PANK1: variants seen among roughly 807,000 people sequenced by gnomAD.
PANK1 encodes pantothenate kinase 1, also known as pantothenic acid kinase 1.
A neutral mutation model predicts 40.1 loss-of-function variants in PANK1; 18 were observed. The observed-to-expected ratio is 0.45, with a 90% CI of 0.31 to 0.67. The LOEUF (loss-of-function observed/expected upper bound fraction) is 0.67. PANK1 is among the 30% of genes least tolerant of loss of function. The pLI is 0.06. For synonymous variants in PANK1, 242 were observed against 237.7 expected (o/e 1.02, Z -0.17); for missense variants, 457 against 599.6 (o/e 0.76, Z 2.48).
At chr10:89,599,090 A>G in intron 3 of PANK1, 162 bp downstream of exon 3, 1 of 630,654 alleles carries the variant, frequency 1.6e-6, no homozygotes. Context: ...TATATAAATC[A>G]CCCACATACC....
chr10:89,625,968 G>T (rs1031106413), intron 1 of PANK1: 5 of 152,104 alleles, frequency 3.3e-5, no homozygotes, highest in African/African-American at 9.7e-5. Context: ...CTTTCCCAAG[G>T]TCCTGAAACC....
chr10:89,619,069 C>A (rs961348356), intron 1 of PANK1, among the ~76,000 whole-genome samples: 2 of 152,190 alleles, frequency 1.3e-5, no homozygotes, highest in African/African-American at 4.8e-5. Context: ...TGATCACAGA[C>A]AAACATGTGG....
chr10:89,607,401 C>A (rs778320200), intron 2 of PANK1, among the ~76,000 whole-genome samples: 5 of 152,134 alleles, frequency 3.3e-5, no homozygotes, highest in Non-Finnish European at 5.9e-5. Context: ...AAAACAATTA[C>A]AATAGTGACA....
chr10:89,643,188 C>T (rs1040940726), intron 1 of PANK1, among the ~76,000 whole-genome samples: 3 of 152,160 alleles, frequency 2.0e-5, no homozygotes, highest in Non-Finnish European at 4.4e-5. Flanking sequence ...CTAGTACAAT[C>T]TGTCAATGTA....
At chr10:89,591,338 T>C (rs1047259810) in intron 5 of PANK1, among the ~76,000 whole-genome samples, 2 of 152,244 alleles carry the variant, frequency 1.3e-5, no homozygotes, top group Non-Finnish European at 2.9e-5. Context: ...TGTATCCTTC[T>C]AATGTCTTAG....
At chr10:89,620,513 G>A (rs754373753) in intron 1 of PANK1, among the ~76,000 whole-genome samples, 12 of 152,282 alleles carry the variant, frequency 7.9e-5, no homozygotes, top group Middle Eastern at 3.4e-3. Context: ...CCAGCCTGGC[G>A]AATTCTAGTC....
chr10:89,609,175 G>C (rs560514529), intron 2 of PANK1, among the ~76,000 whole-genome samples: 42 of 152,094 alleles, frequency 2.8e-4, no homozygotes, highest in African/African-American at 1.0e-3. Flanking sequence ...AGAGGTTCTC[G>C]TGCCTCAGCC....
chr10:89,588,618 C>G, intron 6 of PANK1, 34 bp downstream of exon 6: 1 of 1,543,334 alleles, frequency 6.5e-7, no homozygotes, highest in South Asian at 1.3e-5. Flanking sequence ...ATATACTCCA[C>G]ATATGACAGT....
At chr10:89,623,469 C>T (rs1188842712) in intron 1 of PANK1, among the ~76,000 whole-genome samples, 2 of 151,980 alleles carry the variant, frequency 1.3e-5, no homozygotes, top group African/African-American at 2.4e-5. Flanking sequence ...CGCGATTCTC[C>T]CATCCTGGCC....
intron 1 of PANK1, among the ~76,000 whole-genome samples, chr10:89,633,493 C>T (rs1051649409): frequency 2.8e-4 from 42 of 152,132 alleles, no homozygotes; most frequent in African/African-American, 9.4e-4. Context: ...ACACTAACTT[C>T]CTAGTATGGA....
At chr10:89,601,099 T>C (rs1159665947) in intron 2 of PANK1, among the ~76,000 whole-genome samples, 3 of 152,086 alleles carry the variant, frequency 2.0e-5, no homozygotes, top group Non-Finnish European at 4.4e-5. Context: ...TGGGTACTGC[T>C]TCTGGAGTCT....
chr10:89,640,217 A>G (rs1275252237), intron 1 of PANK1, among the ~76,000 whole-genome samples: 1 of 152,204 alleles, frequency 6.6e-6, no homozygotes, highest in African/African-American at 2.4e-5. Context: ...AATAATAGCT[A>G]CTTTCATTAC....
intron 1 of PANK1, among the ~76,000 whole-genome samples, chr10:89,642,902 G>C (rs1161480372): frequency 1.3e-5 from 2 of 152,126 alleles, no homozygotes; most frequent in Non-Finnish European, 2.9e-5. Context: ...AAACAACTAG[G>C]ATTTTTATTC....
chr10:89,609,306 C>T (rs1472363814), intron 2 of PANK1, among the ~76,000 whole-genome samples: 1 of 152,206 alleles, frequency 6.6e-6, no homozygotes, highest in Non-Finnish European at 1.5e-5. Context: ...TCAAGCAATC[C>T]ACCCGCCTCA....
At chr10:89,641,012 A>G (rs996074880) in intron 1 of PANK1, among the ~76,000 whole-genome samples, 4 of 152,240 alleles carry the variant, frequency 2.6e-5, no homozygotes, top group African/African-American at 4.8e-5. Context: ...TTAATCATCA[A>G]TTCAAATGTG....
chr10:89,624,604 A>T (rs1017125711), intron 1 of PANK1, among the ~76,000 whole-genome samples: 11 of 152,186 alleles, frequency 7.2e-5, no homozygotes, highest in Admixed American at 5.9e-4. Context: ...AAGCAACTTA[A>T]ATTTTACTAT....
intron 5 of PANK1, among the ~76,000 whole-genome samples, chr10:89,590,730 G>A (rs1025865218): frequency 1.3e-5 from 2 of 151,930 alleles, no homozygotes; most frequent in Non-Finnish European, 2.9e-5. Context: ...ATGCTATATG[G>A]CCATTAAAAA....
chr10:89,605,998 C>A (rs1251800141), intron 2 of PANK1, among the ~76,000 whole-genome samples: 1 of 152,104 alleles, frequency 6.6e-6, no homozygotes, highest in African/African-American at 2.4e-5. Flanking sequence ...GTTGTGTTGT[C>A]AATGAGCAGT....
intron 1 of PANK1, among the ~76,000 whole-genome samples, chr10:89,637,472 A>C (rs1414228363): frequency 6.6e-6 from 1 of 152,236 alleles, no homozygotes; most frequent in Non-Finnish European, 1.5e-5. Context: ...ACAGCATGTT[A>C]CTGTGCTTAG....
Sources: gnomAD v4.1 joint callset for allele counts (sites outside exome capture counted in the v4.1 genomes callset) on GRCh38, gnomAD v4.1.1 for gene constraint, MANE v1.5 for transcripts, NCBI Gene and HGNC (gene_info 2026-07-23, HGNC 2026-07-21) for gene names.